The following AGBL1 variants were observed in gnomAD, a reference collection of about 807,000 sequenced individuals.
The protein encoded by AGBL1 is cytosolic carboxypeptidase 4.
AGBL1 carries 130 observed loss-of-function variants against 118.9 expected under a neutral mutation model. That is an observed-to-expected ratio of 1.09 (90% CI 0.95 to 1.26). The LOEUF (loss-of-function observed/expected upper bound fraction) is 1.26. AGBL1 is among the 50% of genes most tolerant of loss of function. The pLI is 0.00. For synonymous variants in AGBL1, 555 were observed against 478.9 expected (o/e 1.16, Z -2.08); for missense variants, 1,584 against 1,298.1 (o/e 1.22, Z -3.38).
chr15:86,942,459 T>A (rs2080764899), intron 23 of AGBL1, among the ~76,000 whole-genome samples: 2 of 152,226 alleles, frequency 1.3e-5, no homozygotes, highest in South Asian at 4.1e-4. Flanking sequence ...TTGTGGCTTC[T>A]TAGGTTATTC....
At chr15:86,782,088 A>G (rs909238421) in intron 22 of AGBL1, among the ~76,000 whole-genome samples, 42 of 152,030 alleles carry the variant, frequency 2.8e-4, no homozygotes, top group African/African-American at 9.9e-4. Flanking sequence ...TCAAAACGCT[A>G]CTCATTCAAA....
intron 22 of AGBL1, among the ~76,000 whole-genome samples, chr15:86,864,441 G>C (rs1175358568): frequency 6.6e-6 from 1 of 152,094 alleles, no homozygotes; most frequent in African/African-American, 2.4e-5. Context: ...GTAATCTTAT[G>C]AGTTAAGAGA....
chr15:86,361,535 G>A (rs564431165), intron 17 of AGBL1, among the ~76,000 whole-genome samples: 8 of 152,146 alleles, frequency 5.3e-5, no homozygotes, highest in Admixed American at 2.0e-4. Flanking sequence ...CCCTTATAGA[G>A]AATGGAGTAT....
In AGBL1 at chr15:86,406,702, A is replaced by T. The variant is rs139632333; in HGVS notation, c.2555+9156A>T. On this transcript the variant is annotated intron_variant, in intron 18 of 22. Coordinates refer to ENST00000614907, the MANE Select transcript of AGBL1 (RefSeq NM_001386094.1). The stretch of plus-strand genomic sequence containing the variant: ...TGTCTATAAATTGACAGCTTTAGGT[A>T]TATCAGCTATATCTTTAAGTATATT... Among the ~76,000 whole-genome samples, 395 of 152,326 alleles carry T rather than the reference A, an allele frequency of 2.6e-3. 2 individuals are homozygous for T. The highest frequency in any genetic ancestry group is 7.0e-3 in the African/African-American group (293 of 41,586).
chr15:86,535,870 A>G (rs1237735558), intron 19 of AGBL1, among the ~76,000 whole-genome samples: 1 of 152,196 alleles, frequency 6.6e-6, no homozygotes, highest in East Asian at 1.9e-4. Flanking sequence ...TTTTATTTCC[A>G]CTTTATTCCT....
At chr15:86,720,477 G>A (rs1169908938) in intron 22 of AGBL1, among the ~76,000 whole-genome samples, 1 of 152,186 alleles carries the variant, frequency 6.6e-6, no homozygotes, top group African/African-American at 2.4e-5. Context: ...CATAGAACAT[G>A]TAGGGCCACT....
chr15:86,743,543 A>G (rs2077710980), intron 22 of AGBL1, among the ~76,000 whole-genome samples: 2 of 152,084 alleles, frequency 1.3e-5, no homozygotes, highest in South Asian at 4.1e-4. Context: ...ATCTTCACTT[A>G]CATACACTGG....
chr15:86,339,476 T>G (rs1023342890), intron 17 of AGBL1, among the ~76,000 whole-genome samples: 1 of 152,146 alleles, frequency 6.6e-6, no homozygotes, highest in African/African-American at 2.4e-5. Flanking sequence ...TCCAATTATA[T>G]GAATGTTCGA....
intron 5 of AGBL1, among the ~76,000 whole-genome samples, chr15:86,169,224 G>C (rs917319895): frequency 9.2e-5 from 14 of 152,190 alleles, no homozygotes; most frequent in Admixed American, 9.2e-4. Flanking sequence ...TAGAAAGAAA[G>C]CTGCACAGAA....
chr15:86,555,241 A>G (rs1389068997), intron 21 of AGBL1, among the ~76,000 whole-genome samples: 1 of 152,218 alleles, frequency 6.6e-6, no homozygotes, highest in African/African-American at 2.4e-5. Flanking sequence ...CCAGGGTAAT[A>G]GACTCTTGTA....
At chr15:86,590,213 T>A (rs921046107) in intron 21 of AGBL1, among the ~76,000 whole-genome samples, 4 of 152,146 alleles carry the variant, frequency 2.6e-5, no homozygotes, top group African/African-American at 7.2e-5. Flanking sequence ...AAGAGGAGAC[T>A]TGGTTTGTGA....
intron 24 of AGBL1, among the ~76,000 whole-genome samples, chr15:87,006,733 G>T (rs1239950019): frequency 6.6e-6 from 1 of 152,136 alleles, no homozygotes. Flanking sequence ...CAGTACTTCA[G>T]TTGGAAATGC....
intron 24 of AGBL1, among the ~76,000 whole-genome samples, chr15:87,009,750 T>C (rs1423532593): frequency 6.6e-6 from 1 of 152,158 alleles, no homozygotes; most frequent in Non-Finnish European, 1.5e-5. Flanking sequence ...GACCTAGATA[T>C]AAGACATGGC....
intron 17 of AGBL1, among the ~76,000 whole-genome samples, chr15:86,314,066 G>A (rs2079960468): frequency 1.3e-5 from 2 of 152,176 alleles, no homozygotes; most frequent in African/African-American, 2.4e-5. Flanking sequence ...GAGGCTATCT[G>A]AATATATATT....
intron 22 of AGBL1, among the ~76,000 whole-genome samples, chr15:86,716,335 G>C (rs1193779837): frequency 6.6e-6 from 1 of 152,016 alleles, no homozygotes; most frequent in Non-Finnish European, 1.5e-5. Context: ...AAATCTGAAA[G>C]GCTCGGAAGT....
chr15:86,089,734 G>A (rs749709965), intron 1 of AGBL1, among the ~76,000 whole-genome samples: 2 of 152,012 alleles, frequency 1.3e-5, no homozygotes, highest in Admixed American at 6.5e-5. Context: ...TCGACCCAGA[G>A]CATCTATATC....
At chr15:86,807,475 A>G (rs534727359) in intron 22 of AGBL1, among the ~76,000 whole-genome samples, 1 of 151,974 alleles carries the variant, frequency 6.6e-6, no homozygotes, top group East Asian at 1.9e-4. Context: ...ACGAGACAGA[A>G]AAGAACTTTT....
intron 7 of AGBL1, among the ~76,000 whole-genome samples, chr15:86,249,837 G>A (rs1370984768): frequency 2.0e-5 from 3 of 152,222 alleles, no homozygotes; most frequent in African/African-American, 7.2e-5. Context: ...CGATAGAAAG[G>A]TGGTGGAGAA....
intron 22 of AGBL1, among the ~76,000 whole-genome samples, chr15:86,781,572 C>A (rs1364575021): frequency 6.6e-6 from 1 of 152,146 alleles, no homozygotes; most frequent in African/African-American, 2.4e-5. Flanking sequence ...TCTTACCCCA[C>A]TCTTTGTATA....
Sources: gnomAD v4.1 joint callset for allele counts (sites outside exome capture counted in the v4.1 genomes callset) on GRCh38, gnomAD v4.1.1 for gene constraint, MANE v1.5 for transcripts, NCBI Gene and HGNC (gene_info 2026-07-23, HGNC 2026-07-21) for gene names.